Variants in MROH9 observed in about 807,000 individuals in gnomAD.
The protein encoded by MROH9 is maestro heat-like repeat-containing protein family member 9.
MROH9 carries 92 observed loss-of-function variants against 98.2 expected under a neutral mutation model. That is an observed-to-expected ratio of 0.94 (90% CI 0.79 to 1.11). The LOEUF (loss-of-function observed/expected upper bound fraction) is 1.11. MROH9 is among the 50% of genes most tolerant of loss of function. The pLI, the probability that MROH9 is intolerant of heterozygous loss-of-function variation, is 0.00. For synonymous variants in MROH9, 397 were observed against 368.9 expected (o/e 1.08, Z -0.87); for missense variants, 1,057 against 1,014.8 (o/e 1.04, Z -0.57).
At chr1:171,041,434 CACAT>C (rs1388951953) in intron 20 of MROH9, among the ~76,000 whole-genome samples, 6 of 143,562 alleles carry the variant, frequency 4.2e-5, no homozygotes, top group African/African-American at 1.5e-4. Context: ...CACACACACA[CACAT>C]ATATATGTCA....
chr1:170,964,470 T>C (rs1273433640), intron 6 of MROH9, among the ~76,000 whole-genome samples: 1 of 152,060 alleles, frequency 6.6e-6, no homozygotes. Context: ...TTGACATAAA[T>C]ATAGTAGACC....
At chr1:171,024,611 G>A in intron 18 of MROH9, 38 bp from the exon 19 acceptor site, 1 of 1,536,656 alleles carries the variant, frequency 6.5e-7, no homozygotes, top group Non-Finnish European at 8.8e-7. Context: ...TCTAACAACA[G>A]ATGAATAGAT....
rs754563898 is a variant in MROH9 at position 171,064,183 on chromosome 1, A to G, written c.2429A>G (p.His810Arg). The change falls in exon 22 of 22, where the codon CAT becomes CGT. Residue 810 changes from histidine (H) to arginine (R), a missense_variant. Coordinates refer to ENST00000367759, the MANE Select transcript of MROH9 (RefSeq NM_001163629.2). ...TATGATATTTTTAAGAAAAAAGCCC[A>G]TAAACTGACCTCTGCACCTCTTAAA... ...ITYDIFKKKA[H>R]KLTSAPLKQN... 4.5e-6 allele frequency: 7 copies of G among 1,551,534 alleles called. No individual in the cohort carries two copies. The South Asian group carries it at 8.3e-5, about 18-fold the overall frequency.
chr1:171,036,752 T>C (rs1239874249), intron 20 of MROH9, among the ~76,000 whole-genome samples: 1 of 151,052 alleles, frequency 6.6e-6, no homozygotes, highest in Admixed American at 6.6e-5. Context: ...AAATAAACGC[T>C]ATCTTTACAC....
At chr1:171,036,399 G>A (rs1053205332) in intron 20 of MROH9, among the ~76,000 whole-genome samples, 8 of 152,044 alleles carry the variant, frequency 5.3e-5, no homozygotes, top group African/African-American at 1.7e-4. Context: ...CATACCAAGA[G>A]TTGAAAAGTG....
chr1:171,052,042 T>A (rs552686835), intron 20 of MROH9, among the ~76,000 whole-genome samples: 16 of 152,164 alleles, frequency 1.1e-4, no homozygotes, highest in Non-Finnish European at 1.2e-4. Flanking sequence ...ACCTTTTTTT[T>A]TTTATTAATT....
At chr1:170,954,002 A>G (rs1298412631) in intron 3 of MROH9, among the ~76,000 whole-genome samples, 1 of 152,068 alleles carries the variant, frequency 6.6e-6, no homozygotes, top group Non-Finnish European at 1.5e-5. Flanking sequence ...AATTGAATGC[A>G]TAACTTACAT....
In MROH9 at chr1:170,945,636, G is replaced by T. The variant is rs892733819; in HGVS notation, c.25+55G>T. 13 of 1,452,368 alleles carry T rather than the reference G, an allele frequency of 9.0e-6. No individual in the cohort carries two copies. In the African/African-American group the frequency reaches 1.9e-4, roughly 21 times the overall value. The allele number at this position is 1,452,368 out of a possible 1,614,324, so 90.0% of individuals were successfully genotyped here. A position where few individuals can be genotyped will look rare whatever the true frequency, so the allele number is the denominator to read the frequency against. On this transcript the variant is annotated intron_variant, in intron 2 of 21. Coordinates refer to ENST00000367759, the MANE Select transcript of MROH9 (RefSeq NM_001163629.2). Reference sequence around the variant, plus strand: ...AGAAGGTATTTTTGTGTATATGTGTGTGTATGAGTGACAGATGACAGAGAG... The same window carrying T: ...AGAAGGTATTTTTGTGTATATGTGTTTGTATGAGTGACAGATGACAGAGAG...
At chr1:170,970,725 TGTGTGTGA>T (rs1481281217) in intron 7 of MROH9, among the ~76,000 whole-genome samples, 18 of 129,510 alleles carry the variant, frequency 1.4e-4, no homozygotes, top group African/African-American at 2.5e-4. Context: ...TGTGTGTGTG[TGTGTGTGA>T]GAGAGAGAGA....
rs573990756 is a variant in MROH9, at chr1:170,990,268, T to A, written c.1028+265T>A. Among the ~76,000 whole-genome samples the A allele has an allele frequency of 2.6e-5, 4 of 152,336 alleles. No individual in the cohort carries two copies. The South Asian group carries it at 8.3e-4, about 32-fold the overall frequency. On this transcript the variant is annotated intron_variant, in intron 11 of 21. Transcript: ENST00000367759. ...ACTATTATTTATCTGAGGCTTTAAATTGTGTTCTGTTGCACATCCCAGAGG... is the reference window on the plus strand; with the variant it reads ...ACTATTATTTATCTGAGGCTTTAAAATGTGTTCTGTTGCACATCCCAGAGG...
chr1:171,007,154 C>A (rs1651988115), intron 15 of MROH9, among the ~76,000 whole-genome samples: 1 of 152,200 alleles, frequency 6.6e-6, no homozygotes, highest in Non-Finnish European at 1.5e-5. Flanking sequence ...GGGCTAATGC[C>A]TCCAGAATTG....
At chr1:171,038,345 T>C (rs1041504294) in intron 20 of MROH9, among the ~76,000 whole-genome samples, 3 of 152,188 alleles carry the variant, frequency 2.0e-5, no homozygotes, top group African/African-American at 4.8e-5. Context: ...TGCAAAGTTT[T>C]GTACTACCCA....
intron 20 of MROH9, among the ~76,000 whole-genome samples, chr1:171,046,154 T>C (rs1358034499): frequency 6.6e-6 from 1 of 152,198 alleles, no homozygotes; most frequent in Non-Finnish European, 1.5e-5. Flanking sequence ...AATATCTTTT[T>C]CCACCAGTTT....
At chr1:170,983,922 C>T (rs1651027686) in intron 9 of MROH9, among the ~76,000 whole-genome samples, 1 of 152,138 alleles carries the variant, frequency 6.6e-6, no homozygotes, top group African/African-American at 2.4e-5. Context: ...CTGCAAACAT[C>T]ATAATGACAC....
chr1:170,989,715 T>C (rs1651277339), intron 10 of MROH9, 140 bp from the exon 11 acceptor site: 1 of 626,872 alleles, frequency 1.6e-6, no homozygotes, highest in Admixed American at 2.7e-5. Flanking sequence ...AAATATGCTT[T>C]CTACTAGTGC....
intron 20 of MROH9, among the ~76,000 whole-genome samples, chr1:171,028,948 T>C (rs752899255): frequency 2.5e-4 from 38 of 152,220 alleles, no homozygotes; most frequent in Non-Finnish European, 5.4e-4. Context: ...TATAGAATCA[T>C]GCAGTCTGCA....
intron 20 of MROH9, among the ~76,000 whole-genome samples, chr1:171,039,467 C>A (rs1490786318): frequency 6.6e-6 from 1 of 152,198 alleles, no homozygotes; most frequent in African/African-American, 2.4e-5. Context: ...CTCCTGCAAC[C>A]ACTTCTACAT....
intron 12 of MROH9, among the ~76,000 whole-genome samples, 192 bp downstream of exon 12, chr1:170,992,521 CACAG>C (rs1488317059): frequency 6.6e-6 from 1 of 152,114 alleles, no homozygotes; most frequent in African/African-American, 2.4e-5. Context: ...TGGTAAGAAA[CACAG>C]ACAATGAACA....
intron 20 of MROH9, among the ~76,000 whole-genome samples, chr1:171,048,869 T>G (rs887709899): frequency 1.3e-5 from 2 of 152,172 alleles, no homozygotes; most frequent in African/African-American, 4.8e-5. Context: ...AGGTAATGAA[T>G]GCTGCCAGGA....
Sources: gnomAD v4.1 joint callset for allele counts (sites outside exome capture counted in the v4.1 genomes callset) on GRCh38, gnomAD v4.1.1 for gene constraint, MANE v1.5 for transcripts, NCBI Gene and HGNC (gene_info 2026-07-23, HGNC 2026-07-21) for gene names.